Variants in SPAG16 observed in about 807,000 individuals in gnomAD.
SPAG16 encodes sperm associated antigen 16, also known as sperm-associated antigen 16 protein.
Under a neutral mutation model 80.4 loss-of-function variants are expected in SPAG16, and 86 were observed. The observed-to-expected ratio is 1.07, with a 90% CI of 0.90 to 1.28. The LOEUF (loss-of-function observed/expected upper bound fraction) is 1.28, where lower values mean the gene tolerates loss of function less well. Among genes scored for constraint, SPAG16 ranks in the 50% most tolerant of loss-of-function variants. The pLI is 0.00. For missense variants in SPAG16, 870 were observed against 765.3 expected (o/e 1.14, Z -1.61); for synonymous variants, 294 against 265.9 (o/e 1.11, Z -1.03).
chr2:213,540,076 C>T (rs550746610), intron 10 of SPAG16, among the ~76,000 whole-genome samples: 51 of 146,210 alleles, frequency 3.5e-4, no homozygotes, highest in African/African-American at 1.1e-3. Context: ...GCTCTGTCAC[C>T]CAGGCTGGAG....
intron 10 of SPAG16, among the ~76,000 whole-genome samples, chr2:213,731,626 C>T (rs59004035): frequency 0.92 from 140,558 of 152,006 alleles, 66,020 homozygotes; most frequent in East Asian, 1. Context: ...CCTGATCCTG[C>T]CCCTCTTCCC....
At chr2:213,649,339 GTTTC>G (rs1272293234) in intron 10 of SPAG16, among the ~76,000 whole-genome samples, 2 of 152,214 alleles carry the variant, frequency 1.3e-5, no homozygotes, top group African/African-American at 4.8e-5. Flanking sequence ...ATAGGTCTGT[GTTTC>G]TGGAGAAAGG....
At chr2:213,660,298 T>G (rs1458709551) in intron 10 of SPAG16, among the ~76,000 whole-genome samples, 2 of 149,468 alleles carry the variant, frequency 1.3e-5, no homozygotes, top group Non-Finnish European at 1.5e-5. Flanking sequence ...TGAGACAGAG[T>G]CTCACTTTGT....
At chr2:214,399,138 A>G (rs1701566836) in intron 15 of SPAG16, among the ~76,000 whole-genome samples, 1 of 152,146 alleles carries the variant, frequency 6.6e-6, no homozygotes, top group South Asian at 2.1e-4. Flanking sequence ...GAGCTAATCT[A>G]TGATTTCAGA....
chr2:213,791,723 T>C (rs1041837375), intron 10 of SPAG16, among the ~76,000 whole-genome samples: 2 of 152,230 alleles, frequency 1.3e-5, no homozygotes, highest in Admixed American at 6.5e-5. Context: ...AATATATTCT[T>C]CCAAAATATA....
intron 9 of SPAG16, among the ~76,000 whole-genome samples, chr2:213,449,424 T>A (rs1341892809): frequency 2.6e-5 from 4 of 152,178 alleles, no homozygotes; most frequent in African/African-American, 7.2e-5. Context: ...TCTTTGTACC[T>A]ACCCTCTGTT....
At chr2:213,493,113 C>A (rs1356006945) in intron 10 of SPAG16, among the ~76,000 whole-genome samples, 2 of 152,094 alleles carry the variant, frequency 1.3e-5, no homozygotes, top group Admixed American at 6.6e-5. Flanking sequence ...TGAAAAAAAT[C>A]TCTGCTTTTA....
At chr2:213,500,461 G>T (rs911559011) in intron 10 of SPAG16, among the ~76,000 whole-genome samples, 4 of 152,132 alleles carry the variant, frequency 2.6e-5, no homozygotes, top group Non-Finnish European at 5.9e-5. Context: ...GGAGAAAAGT[G>T]GTCTTGAATC....
At chr2:213,542,998 A>C (rs2076502512) in intron 10 of SPAG16, among the ~76,000 whole-genome samples, 2 of 152,248 alleles carry the variant, frequency 1.3e-5, no homozygotes, top group South Asian at 4.1e-4. Flanking sequence ...CAGACTGATC[A>C]GAAAGAAAGA....
In SPAG16 at chr2:214,062,452, A is replaced by G. The variant is rs375937919; in HGVS notation, c.1528-45744A>G. On this transcript the variant is annotated intron_variant, in intron 13 of 15. Coordinates refer to ENST00000331683, the MANE Select transcript of SPAG16 (RefSeq NM_024532.5). The stretch of plus-strand genomic sequence containing the variant: ...AAAAAAAAAAAAAAAAAAGAAACCA[A>G]AACCAACCGCCTGACCTCACTACAA... Among the ~76,000 whole-genome samples the G allele has an allele frequency of 3.2e-3, 487 of 150,758 alleles. 4 individuals are homozygous for G. The highest frequency in any genetic ancestry group is 0.011 in the African/African-American group (468 of 41,118).
At chr2:213,429,266 A>C (rs1017398034) in intron 9 of SPAG16, among the ~76,000 whole-genome samples, 3 of 151,994 alleles carry the variant, frequency 2.0e-5, no homozygotes, top group Admixed American at 6.6e-5. Flanking sequence ...GTTGCTCCTG[A>C]ATTCCCACCA....
At chr2:213,473,418 C>A (rs376888350) in intron 9 of SPAG16, among the ~76,000 whole-genome samples, 2 of 152,226 alleles carry the variant, frequency 1.3e-5, no homozygotes, top group East Asian at 1.9e-4. Context: ...TTCAAAGATG[C>A]GGGTGCTATC....
At chr2:214,141,992 T>C (rs2055387308) in intron 14 of SPAG16, among the ~76,000 whole-genome samples, 1 of 152,182 alleles carries the variant, frequency 6.6e-6, no homozygotes, top group Non-Finnish European at 1.5e-5. Context: ...TTACATTATC[T>C]TCTTTTGGAA....
intron 14 of SPAG16, among the ~76,000 whole-genome samples, chr2:214,135,720 T>C (rs1164130183): frequency 7.1e-6 from 1 of 140,928 alleles, no homozygotes; most frequent in Admixed American, 6.9e-5. Flanking sequence ...TCTCTGTCTC[T>C]CTGTCTCTCT....
At chr2:214,008,221 T>A (rs2047116353) in intron 12 of SPAG16, among the ~76,000 whole-genome samples, 1 of 152,166 alleles carries the variant, frequency 6.6e-6, no homozygotes, top group African/African-American at 2.4e-5. Context: ...GACCTCTTTT[T>A]TTATGGTTTG....
chr2:213,338,580 C>G (rs922767330), intron 5 of SPAG16, among the ~76,000 whole-genome samples: 2 of 152,156 alleles, frequency 1.3e-5, no homozygotes, highest in African/African-American at 4.8e-5. Flanking sequence ...CATTGCAGCA[C>G]TATTTACGAT....
At chr2:213,395,229 T>G (rs2067971553) in intron 9 of SPAG16, among the ~76,000 whole-genome samples, 1 of 152,200 alleles carries the variant, frequency 6.6e-6, no homozygotes, top group Non-Finnish European at 1.5e-5. Context: ...TTCATTGATT[T>G]TTGCTTTTAT....
chr2:213,340,676 G>T (rs562013531), intron 6 of SPAG16, among the ~76,000 whole-genome samples: 2 of 152,148 alleles, frequency 1.3e-5, no homozygotes, highest in Admixed American at 1.3e-4. Flanking sequence ...AACATGTTAC[G>T]TTCATCAAAT....
intron 9 of SPAG16, among the ~76,000 whole-genome samples, chr2:213,464,056 T>G (rs747101838): frequency 6.6e-6 from 1 of 152,192 alleles, no homozygotes; most frequent in Admixed American, 6.5e-5. Context: ...CCTTGGTTCA[T>G]GGGTTTGGGC....
Sources: gnomAD v4.1 joint callset for allele counts (sites outside exome capture counted in the v4.1 genomes callset) on GRCh38, gnomAD v4.1.1 for gene constraint, MANE v1.5 for transcripts, NCBI Gene and HGNC (gene_info 2026-07-23, HGNC 2026-07-21) for gene names.